NRXN1: variants seen among roughly 807,000 people sequenced by gnomAD.
NRXN1 encodes the protein neurexin 1, also known as neurexin-1.
Under a neutral mutation model 150.9 loss-of-function variants are expected in NRXN1, and 39 were observed. That is an observed-to-expected ratio of 0.26 (90% confidence interval 0.20 to 0.34). NRXN1 has a LOEUF of 0.34. Among genes scored for constraint, NRXN1 ranks in the 10% least tolerant of loss-of-function variants. NRXN1 has a pLI of 1.00. For synonymous variants in NRXN1, 924 were observed against 757.0 expected (o/e 1.22, Z -3.62); for missense variants, 1,815 against 1,949.9 (o/e 0.93, Z 1.30).
intron 17 of NRXN1, among the ~76,000 whole-genome samples, chr2:50,337,754 G>A (rs1451845602): frequency 6.6e-6 from 1 of 151,966 alleles, no homozygotes; most frequent in African/African-American, 2.4e-5. Flanking sequence ...TAAGCCAAGA[G>A]TTGAATTAAT....
rs1232358679 is a variant in NRXN1, at chr2:50,497,400, G to C, written c.2812C>G (p.Leu938Val). The C allele has an allele frequency of 6.2e-7, 1 of 1,600,570 alleles. No individual in the cohort carries two copies. Among genetic ancestry groups the C allele is most frequent in the African/African-American group, 1.3e-5 (1 of 74,678 alleles). The stretch of plus-strand genomic sequence containing the variant: ...CTGTTATATAGAATTAATCCATCTA[G>C]GGATGTTGTCTTGAACTGGAAAAAA... ...HLFFQFKTTS[L>V]DGLILYNSGD... The change falls in exon 14 of 23, where the codon CTA becomes GTA. Residue 938 changes from leucine to valine, a missense_variant. Physicochemically the swap from Leu to Val is conservative, Grantham distance 32. Coordinates refer to ENST00000401669, the MANE Select transcript of NRXN1 (RefSeq NM_001330078.2).
chr2:50,386,324 T>C (rs777656213), intron 17 of NRXN1, among the ~76,000 whole-genome samples: 1 of 152,100 alleles, frequency 6.6e-6, no homozygotes. Flanking sequence ...TTTGTCTTAA[T>C]AGTAATATAA....
At chr2:50,522,918 G>C (rs2092835871) in intron 12 of NRXN1, among the ~76,000 whole-genome samples, 1 of 149,990 alleles carries the variant, frequency 6.7e-6, no homozygotes, top group Admixed American at 6.6e-5. Flanking sequence ...ATTTTTAGTA[G>C]AGACGGGGTT....
At chr2:50,426,832 A>G (rs2084535995) in intron 17 of NRXN1, among the ~76,000 whole-genome samples, 1 of 152,186 alleles carries the variant, frequency 6.6e-6, no homozygotes, top group Admixed American at 6.5e-5. Flanking sequence ...ATCATAATTG[A>G]CAAAATATAC....
intron 18 of NRXN1, among the ~76,000 whole-genome samples, chr2:50,217,910 A>T (rs1474511648): frequency 6.6e-6 from 1 of 152,088 alleles, no homozygotes; most frequent in Admixed American, 6.6e-5. Flanking sequence ...ACTGATGCCT[A>T]GTAATGGCTA....
chr2:50,938,927 AG>A (rs1365390253), intron 2 of NRXN1, among the ~76,000 whole-genome samples: 1 of 152,108 alleles, frequency 6.6e-6, no homozygotes, highest in African/African-American at 2.4e-5. Flanking sequence ...AATTAAATGT[AG>A]GGGCTGAGCG....
intron 18 of NRXN1, among the ~76,000 whole-genome samples, chr2:50,184,777 T>C (rs1350336884): frequency 6.6e-6 from 1 of 152,026 alleles, no homozygotes; most frequent in Non-Finnish European, 1.5e-5. Context: ...TTGATAATTG[T>C]AGAAATATTT....
intron 22 of NRXN1, among the ~76,000 whole-genome samples, chr2:49,922,736 A>T (rs141835451): frequency 1.1e-4 from 17 of 152,324 alleles, no homozygotes; most frequent in African/African-American, 3.1e-4. Context: ...ATTTTAAAGA[A>T]TACAGTATTG....
intron 18 of NRXN1, among the ~76,000 whole-genome samples, chr2:50,110,522 A>AATGTTGAG (rs1258150180): frequency 6.6e-6 from 1 of 151,442 alleles, no homozygotes; most frequent in Non-Finnish European, 1.5e-5. Context: ...AGAAAGAAAG[A>AATGTTGAG]ATGTTGAGAA....
At chr2:50,704,573 A>G (rs942328858) in intron 5 of NRXN1, among the ~76,000 whole-genome samples, 1 of 151,786 alleles carries the variant, frequency 6.6e-6, no homozygotes, top group Non-Finnish European at 1.5e-5. Context: ...TTATATGAGA[A>G]AATTAGGTCA....
At chr2:50,259,672 T>C (rs568616894) in intron 17 of NRXN1, among the ~76,000 whole-genome samples, 2 of 152,040 alleles carry the variant, frequency 1.3e-5, no homozygotes, top group Admixed American at 1.3e-4. Flanking sequence ...TAGCTTTCAA[T>C]AATACCTTTC....
At chr2:50,196,782 T>C (rs2061797748) in intron 18 of NRXN1, among the ~76,000 whole-genome samples, 1 of 152,190 alleles carries the variant, frequency 6.6e-6, no homozygotes, top group Non-Finnish European at 1.5e-5. Context: ...CTAGAGGCCA[T>C]TTTTCTCAGC....
chr2:50,659,123 G>A (rs963601564), intron 5 of NRXN1, among the ~76,000 whole-genome samples: 1 of 151,984 alleles, frequency 6.6e-6, no homozygotes, highest in Non-Finnish European at 1.5e-5. Context: ...GACAGCATGA[G>A]GTATGACTAC....
At chr2:50,895,104 T>C (rs1250849857) in intron 5 of NRXN1, among the ~76,000 whole-genome samples, 1 of 152,096 alleles carries the variant, frequency 6.6e-6, no homozygotes, top group Non-Finnish European at 1.5e-5. Flanking sequence ...AAATGACAAA[T>C]TATTCATTTG....
At chr2:50,930,590 G>C (rs1176804821) in intron 2 of NRXN1, among the ~76,000 whole-genome samples, 1 of 151,980 alleles carries the variant, frequency 6.6e-6, no homozygotes, top group Admixed American at 6.6e-5. Flanking sequence ...TTTCAAATTT[G>C]TTTTGCTTTG....
chr2:50,564,528 A>C (rs1359627875), intron 8 of NRXN1, among the ~76,000 whole-genome samples: 1 of 152,142 alleles, frequency 6.6e-6, no homozygotes, highest in Non-Finnish European at 1.5e-5. Context: ...AATATTTTTT[A>C]TTTTAAATTT....
intron 5 of NRXN1, among the ~76,000 whole-genome samples, chr2:50,733,505 G>C (rs117592343): frequency 1.3e-5 from 2 of 152,090 alleles, no homozygotes; most frequent in South Asian, 2.1e-4. Context: ...AAATAATTTA[G>C]TTATCTCTGC....
At chr2:50,431,256 T>A (rs954032911) in intron 17 of NRXN1, among the ~76,000 whole-genome samples, 3 of 152,216 alleles carry the variant, frequency 2.0e-5, no homozygotes, top group African/African-American at 4.8e-5. Flanking sequence ...AACACTATCA[T>A]AATTACCATG....
chr2:50,224,190 CA>C (rs1348155911), intron 18 of NRXN1, among the ~76,000 whole-genome samples: 1 of 151,804 alleles, frequency 6.6e-6, no homozygotes, highest in Admixed American at 6.6e-5. Context: ...TAATCATTTG[CA>C]AAATAAGCTG....
Sources: gnomAD v4.1 joint callset for allele counts (sites outside exome capture counted in the v4.1 genomes callset) on GRCh38, gnomAD v4.1.1 for gene constraint, MANE v1.5 for transcripts, NCBI Gene and HGNC (gene_info 2026-07-23, HGNC 2026-07-21) for gene names.